Variants in DNAJC1 observed in about 807,000 individuals in gnomAD.
The protein encoded by DNAJC1 is DnaJ heat shock protein family (Hsp40) member C1.
DNAJC1 carries 58 observed loss-of-function variants against 76.6 expected under a neutral mutation model. The observed-to-expected ratio is 0.76, with a 90% CI of 0.61 to 0.94. The LOEUF (loss-of-function observed/expected upper bound fraction) is 0.94, where lower values mean the gene tolerates loss of function less well. DNAJC1 is among the 40% of genes least tolerant of loss of function. The pLI, the probability that DNAJC1 is intolerant of heterozygous loss-of-function variation, is 0.00. For synonymous variants in DNAJC1, 258 were observed against 267.9 expected (o/e 0.96, Z 0.36); for missense variants, 689 against 677.3 (o/e 1.02, Z -0.19).
chr10:21,987,701 C>CA (rs1838269003), intron 1 of DNAJC1, among the ~76,000 whole-genome samples: 1 of 152,142 alleles, frequency 6.6e-6, no homozygotes, highest in Non-Finnish European at 1.5e-5. Context: ...TGATTTATCT[C>CA]ATAAACATGA....
In DNAJC1 at chr10:21,894,715, T is replaced by C. The variant is rs537566702; in HGVS notation, c.820+9807A>G. Among the ~76,000 whole-genome samples the C allele has an allele frequency of 1.2e-4, 18 of 152,302 alleles. No homozygotes were observed. In the East Asian group the frequency reaches 1.3e-3, roughly 11 times the overall value. ...ACGTTTGTGTCCCCTCCAAAATTCATGTAGAAACAGTCTGCACAGAGGTGG... is the reference window on the plus strand; with the variant it reads ...ACGTTTGTGTCCCCTCCAAAATTCACGTAGAAACAGTCTGCACAGAGGTGG... On this transcript the variant is annotated intron_variant, in intron 7 of 11. Transcript: ENST00000376980.
chr10:21,768,808 C>T (rs1218117656), intron 9 of DNAJC1, among the ~76,000 whole-genome samples: 2 of 152,114 alleles, frequency 1.3e-5, no homozygotes, highest in Non-Finnish European at 2.9e-5. Flanking sequence ...TTCTTTTATC[C>T]TAATTCAAAG....
rs113615504 is a variant in DNAJC1, at chr10:21,803,589, C to CTGTGTGTGTGTGTG, written c.1098+2377_1098+2390dup. Among the ~76,000 whole-genome samples the CTGTGTGTGTGTGTG allele has an allele frequency of 5.7e-5, 8 of 140,652 alleles. No individual in the cohort carries two copies. The Admixed American group carries it at 5.7e-4, about 10-fold the overall frequency. The allele number at this position is 140,652 out of a possible 152,430, so 92.3% of individuals were successfully genotyped here. ...CTGTTCTCTTTTACAGAGTGATTTT[C>CTGTGTGTGTGTGTG]TGTGTGTGTGTGTGTGTGTGTGTGT... On this transcript the variant is annotated intron_variant, in intron 9 of 11. Transcript: ENST00000376980.
chr10:21,832,378 T>C (rs1343146378), intron 8 of DNAJC1, among the ~76,000 whole-genome samples: 1 of 152,222 alleles, frequency 6.6e-6, no homozygotes, highest in Non-Finnish European at 1.5e-5. Context: ...TCTCTAGTTC[T>C]GATTTCTTAA....
chr10:21,821,168 A>G (rs1361506784), intron 8 of DNAJC1, among the ~76,000 whole-genome samples: 1 of 152,068 alleles, frequency 6.6e-6, no homozygotes, highest in East Asian at 1.9e-4. Flanking sequence ...CGGTCTTATG[A>G]CCCACTATCA....
chr10:21,958,487 G>C (rs547086555), intron 1 of DNAJC1, among the ~76,000 whole-genome samples: 23 of 150,760 alleles, frequency 1.5e-4, no homozygotes, highest in Non-Finnish European at 3.2e-4. Flanking sequence ...GGAGTGCAGT[G>C]GCGCGATCTC....
intron 8 of DNAJC1, among the ~76,000 whole-genome samples, chr10:21,810,981 C>T (rs2131645280): frequency 6.6e-6 from 1 of 152,326 alleles, no homozygotes; most frequent in South Asian, 2.1e-4. Context: ...TACAGTTTTA[C>T]CCAGCTACCA....
intron 8 of DNAJC1, among the ~76,000 whole-genome samples, chr10:21,835,030 T>C (rs1222809928): frequency 1.3e-5 from 2 of 152,104 alleles, no homozygotes. Context: ...GACTGCCTCC[T>C]CAAGTGGGTC....
intron 8 of DNAJC1, among the ~76,000 whole-genome samples, chr10:21,876,752 A>G (rs1836194687): frequency 6.6e-6 from 1 of 152,198 alleles, no homozygotes; most frequent in South Asian, 2.1e-4. Flanking sequence ...ACAGTTATGG[A>G]CACTTGGATT....
intron 1 of DNAJC1, among the ~76,000 whole-genome samples, chr10:21,986,051 C>T (rs187023914): frequency 6.6e-6 from 1 of 152,102 alleles, no homozygotes; most frequent in African/African-American, 2.4e-5. Flanking sequence ...CAGGGTGAAA[C>T]GCTGTCTCTA....
At chr10:21,972,630 G>A (rs1837999649) in intron 1 of DNAJC1, among the ~76,000 whole-genome samples, 1 of 152,052 alleles carries the variant, frequency 6.6e-6, no homozygotes, top group South Asian at 2.1e-4. Flanking sequence ...AGTAACACTG[G>A]TTGTTAAATC....
chr10:21,953,836 AAAAAAAAAAG>A (rs1837637274), intron 1 of DNAJC1, among the ~76,000 whole-genome samples: 1 of 150,396 alleles, frequency 6.6e-6, no homozygotes, highest in African/African-American at 2.4e-5. Flanking sequence ...AAAAAAAAAA[AAAAAAAAAAG>A]AAGAGGAAAA....
chr10:21,965,468 G>A (rs1440312245), intron 1 of DNAJC1, among the ~76,000 whole-genome samples: 1 of 152,090 alleles, frequency 6.6e-6, no homozygotes, highest in African/African-American at 2.4e-5. Flanking sequence ...TTAAGTGAGG[G>A]CTAGGAAAAT....
intron 1 of DNAJC1, among the ~76,000 whole-genome samples, chr10:21,993,908 CT>C (rs1379327143): frequency 1.3e-5 from 2 of 151,886 alleles, no homozygotes; most frequent in Admixed American, 6.6e-5. Context: ...TGCGGGCAAA[CT>C]TTTTTTAAAA....
chr10:21,955,677 T>C (rs1054219481), intron 1 of DNAJC1, among the ~76,000 whole-genome samples: 12 of 152,196 alleles, frequency 7.9e-5, no homozygotes, highest in African/African-American at 2.7e-4. Flanking sequence ...AAATCTATCG[T>C]ATTTTATTAA....
chr10:21,855,214 T>A (rs1023607762), intron 8 of DNAJC1, among the ~76,000 whole-genome samples: 1 of 152,104 alleles, frequency 6.6e-6, no homozygotes, highest in Non-Finnish European at 1.5e-5. Flanking sequence ...AAACAGCCCA[T>A]TTTTTTGAGC....
chr10:21,866,293 A>AC (rs1836001735), intron 8 of DNAJC1, among the ~76,000 whole-genome samples: 1 of 151,994 alleles, frequency 6.6e-6, no homozygotes, highest in South Asian at 2.1e-4. Context: ...AGAGTTTTTT[A>AC]AACTGCACAA....
chr10:21,875,478 A>G (rs906439166), intron 8 of DNAJC1, among the ~76,000 whole-genome samples: 2 of 152,230 alleles, frequency 1.3e-5, no homozygotes, highest in African/African-American at 4.8e-5. Context: ...AACAATTTCA[A>G]TGATGAAATA....
At chr10:21,835,386 G>A (rs1163010228) in intron 8 of DNAJC1, among the ~76,000 whole-genome samples, 1 of 152,160 alleles carries the variant, frequency 6.6e-6, no homozygotes, top group African/African-American at 2.4e-5. Flanking sequence ...AAAAAACAGA[G>A]CAGAAAAACT....
Sources: gnomAD v4.1 joint callset for allele counts (sites outside exome capture counted in the v4.1 genomes callset) on GRCh38, gnomAD v4.1.1 for gene constraint, MANE v1.5 for transcripts, NCBI Gene and HGNC (gene_info 2026-07-23, HGNC 2026-07-21) for gene names.